NRAP: variants seen among roughly 807,000 people sequenced by gnomAD.
NRAP encodes the protein nebulin-related-anchoring protein.
A neutral mutation model predicts 225.9 loss-of-function variants in NRAP; 189 were observed. The observed-to-expected ratio is 0.84, with a 90% CI of 0.74 to 0.94. NRAP has a LOEUF of 0.94. Ranked by LOEUF, NRAP falls within the 40% of genes least tolerant of loss-of-function variation. The pLI is 0.00. For synonymous variants in NRAP, 769 were observed against 790.7 expected (o/e 0.97, Z 0.46); for missense variants, 2,176 against 2,168.7 (o/e 1.00, Z -0.07).
chr10:113,652,548 G>A (rs1285665427), intron 6 of NRAP, among the ~76,000 whole-genome samples: 1 of 151,930 alleles, frequency 6.6e-6, no homozygotes, highest in Non-Finnish European at 1.5e-5. Context: ...GGAGGCTGAG[G>A]CAGGAGAATC....
At chr10:113,620,774 A>G (rs1847941679) in intron 24 of NRAP, 66 bp from the exon 25 acceptor site, 4 of 1,123,288 alleles carry the variant, frequency 3.6e-6, no homozygotes, top group East Asian at 4.7e-5. Flanking sequence ...TTAAAGGGCT[A>G]TTAGCGGCTC....
chr10:113,651,103 G>A (rs557648712), intron 7 of NRAP, among the ~76,000 whole-genome samples: 41 of 152,172 alleles, frequency 2.7e-4, no homozygotes, highest in Non-Finnish European at 4.3e-4. Context: ...ATCCAATTTG[G>A]TACTAATCCA....
chr10:113,620,452 C>T, intron 25 of NRAP, 152 bp downstream of exon 25: 1 of 609,334 alleles, frequency 1.6e-6, no homozygotes, highest in African/African-American at 1.8e-5. Context: ...ACGTGGTTTC[C>T]CTCTAATTAC....
Position 113,606,171 on chromosome 10 carries a change from G to A in NRAP, c.3807+7C>T. On this transcript the variant is annotated splice_region_variant and intron_variant, in intron 33 of 41. Coordinates refer to ENST00000359988, the MANE Select transcript of NRAP (RefSeq NM_198060.4). ...CATGCTTGAACTTAAGTAACAAAAG[G>A]GCTTACGTCACTCAGGTTGGCTGCA... 6.2e-7 allele frequency: 1 copy of A among 1,603,182 alleles called. No homozygotes were observed. Among genetic ancestry groups the A allele is most frequent in the African/African-American group, 1.3e-5 (1 of 74,796 alleles).
chr10:113,629,856 C>T, intron 18 of NRAP, 71 bp from the exon 19 acceptor site: 1 of 1,097,968 alleles, frequency 9.1e-7, no homozygotes, highest in Non-Finnish European at 1.4e-6. Context: ...TGTGAAAATG[C>T]AGGAAAGATT....
Position 113,610,474 on chromosome 10 carries a change from C to A in NRAP, c.3588G>T (p.Ser1196=). ...CTGTAGTTACCTCACTGATGAGTTC[C>A]GATGCTTTCTTCCTCCCTTCAATCT... is the stretch of plus-strand genomic sequence containing the variant. The part of the protein sequence containing the change: ...TLEIEGRKKA[S]ELISESKYRQ... The change falls in exon 31 of 42, where the codon TCG becomes TCT. Residue 1196 remains serine (S), a synonymous_variant. Coordinates refer to ENST00000359988, the MANE Select transcript of NRAP (RefSeq NM_198060.4). The A allele has an allele frequency of 6.4e-7, 1 of 1,559,964 alleles. No individual in the cohort carries two copies. Among genetic ancestry groups the A allele is most frequent in the Non-Finnish European group, 8.8e-7 (1 of 1,130,202 alleles).
At chr10:113,626,194 T>A in intron 20 of NRAP, 49 bp from the exon 21 acceptor site, 1 of 1,258,106 alleles carries the variant, frequency 7.9e-7, no homozygotes, top group Non-Finnish European at 1.1e-6. Flanking sequence ...GGGTTGCCCC[T>A]ACCACCCTAC....
chr10:113,652,012 C>A, intron 6 of NRAP, 105 bp from the exon 7 acceptor site: 2 of 736,776 alleles, frequency 2.7e-6, no homozygotes. Flanking sequence ...ACACTCAATG[C>A]AAACCTGTGG....
intron 3 of NRAP, among the ~76,000 whole-genome samples, chr10:113,660,515 T>C (rs963858427): frequency 2.6e-5 from 4 of 152,270 alleles, no homozygotes; most frequent in Middle Eastern, 3.4e-3. Context: ...TTGCTCCAGG[T>C]TGGGCCTGTC....
At position 113,588,830 on chromosome 10, in the gene NRAP, TG is replaced by T; in HGVS notation, c.*144del. ...GACCACAAATACAACATTCTCCATCTGCTTTCAGAGTTATTATTTTAATAAA... is the reference window on the plus strand; with the variant it reads ...GACCACAAATACAACATTCTCCATCTCTTTCAGAGTTATTATTTTAATAAA... On this transcript the variant is annotated 3_prime_UTR_variant, in exon 42 of 42. Transcript: ENST00000359988. 1.5e-6 allele frequency: 1 copy of T among 676,706 alleles called. No homozygotes were observed. The highest frequency in any genetic ancestry group is 2.6e-6 in the Non-Finnish European group (1 of 379,308). 41.9% of individuals were successfully genotyped at this position (676,706 alleles called of 1,614,324 possible).
Position 113,612,347 on chromosome 10 carries a change from C to T in NRAP, c.3385G>A (p.Ala1129Thr), listed in dbSNP as rs202061996. 1.1e-5 allele frequency: 17 copies of T among 1,614,166 alleles called. No individual in the cohort carries two copies. The East Asian group carries it at 3.8e-4, about 36-fold the overall frequency. ...TCCTGATTGCTGGCCAGGGTCTGAG[C>T]CTTCTTGGCATGCACCAGGGCGGCC... Reference protein sequence around the residue: ...DMAALVHAKKAQTLASNQDYK... With the variant: ...DMAALVHAKKTQTLASNQDYK... The change falls in exon 30 of 42, where the codon GCT (alanine) becomes ACT (threonine). Residue 1129 changes from alanine (A) to threonine (T), a missense_variant. Ala to Thr is a moderately conservative substitution (Grantham distance 58, BLOSUM62 0). Transcript: ENST00000359988.
At chr10:113,656,325 G>A (rs1850305162) in intron 4 of NRAP, among the ~76,000 whole-genome samples, 2 of 152,084 alleles carry the variant, frequency 1.3e-5, no homozygotes, top group Admixed American at 6.6e-5. Context: ...CCCCCACTTC[G>A]AGGTGTCCTG....
In NRAP at chr10:113,662,694, T is replaced by C; in HGVS notation, c.240A>G (p.Pro80=). ...TPLNLNVRTF[P]EAISGIHDQE... is the part of the protein sequence containing the mutation. ...AATAACTTACCCCACTGATGGCCTC[T>C]GGAAATGTCCTCACATTTAGATTTA... The change falls in exon 3 of 42, where the codon CCA becomes CCG. Residue 80 remains proline (P), a synonymous_variant. Transcript: ENST00000359988. The C allele has an allele frequency of 6.3e-7, 1 of 1,575,742 alleles. No homozygotes were observed. Among genetic ancestry groups the C allele is most frequent in the Admixed American group, 1.7e-5 (1 of 59,858 alleles).
intron 3 of NRAP, among the ~76,000 whole-genome samples, chr10:113,660,129 C>T (rs1850575087): frequency 6.6e-6 from 1 of 151,616 alleles, no homozygotes; most frequent in South Asian, 2.1e-4. Flanking sequence ...AAACACCATA[C>T]ATACATATAT....
chr10:113,653,817 C>A (rs1210735208), intron 5 of NRAP, among the ~76,000 whole-genome samples: 2 of 152,090 alleles, frequency 1.3e-5, no homozygotes, highest in Non-Finnish European at 1.5e-5. Flanking sequence ...TAGTTCCTGC[C>A]CTACATGGAT....
chr10:113,594,727 G>A (rs1179276236), intron 38 of NRAP, among the ~76,000 whole-genome samples: 3 of 152,216 alleles, frequency 2.0e-5, no homozygotes, highest in African/African-American at 4.8e-5. Flanking sequence ...ATCCCACAGG[G>A]CTTTACAAAC....
rs138765629 is a variant in NRAP at position 113,612,381 on chromosome 10, C to T, written c.3351G>A (p.Pro1117=). 94 of 1,614,088 alleles carry T rather than the reference C, an allele frequency of 5.8e-5. No homozygotes were observed. The highest frequency in any genetic ancestry group is 4.9e-4 in the Middle Eastern group (3 of 6,076). ...FEHSKAQFHL[P]LDMAALVHAK... ...CATGCACCAGGGCGGCCATGTCCAA[C>T]GGCAGATGGAACTGCGCCTTTGAGT... Residue 1117 remains proline, a synonymous_variant, in exon 30 of 42, where the codon CCG becomes CCA. Transcript: ENST00000359988.
chr10:113,639,369 AAG>A (rs985855056), intron 14 of NRAP, among the ~76,000 whole-genome samples: 7 of 151,956 alleles, frequency 4.6e-5, no homozygotes, highest in Non-Finnish European at 1.0e-4. Context: ...AACTCTGAGC[AAG>A]AGAGAGAGAG....
At chr10:113,628,752 GA>G (rs1848416911) in intron 20 of NRAP, among the ~76,000 whole-genome samples, 164 bp downstream of exon 20, 1 of 152,194 alleles carries the variant, frequency 6.6e-6, no homozygotes, top group East Asian at 1.9e-4. Context: ...TAAGGGTGTG[GA>G]AAGTTAGCTG....
Sources: gnomAD v4.1 joint callset for allele counts (sites outside exome capture counted in the v4.1 genomes callset) on GRCh38, gnomAD v4.1.1 for gene constraint, MANE v1.5 for transcripts, NCBI Gene and HGNC (gene_info 2026-07-23, HGNC 2026-07-21) for gene names.